SNX4: variants seen among roughly 807,000 people sequenced by gnomAD.
SNX4 encodes the protein sorting nexin-4.
Under a neutral mutation model 70.8 loss-of-function variants are expected in SNX4, and 49 were observed. The observed-to-expected ratio is 0.69, with a 90% CI of 0.55 to 0.88. The LOEUF is 0.88. SNX4 is among the 40% of genes least tolerant of loss of function. SNX4 has a pLI of 0.00. For synonymous variants in SNX4, 206 were observed against 183.8 expected, an observed-to-expected ratio of 1.12 and a Z score of -0.98; for missense variants, 528 against 544.8, an observed-to-expected ratio of 0.97 and a Z score of 0.31.
At chr3:125,495,884 C>T (rs1423804284) in intron 5 of SNX4, among the ~76,000 whole-genome samples, 4 of 152,130 alleles carry the variant, frequency 2.6e-5, no homozygotes, top group Admixed American at 6.5e-5. Flanking sequence ...AAACATAAAT[C>T]GGTTTTTAAA....
At chr3:125,467,355 C>G (rs911578182) in intron 9 of SNX4, among the ~76,000 whole-genome samples, 1 of 151,912 alleles carries the variant, frequency 6.6e-6, no homozygotes, top group African/African-American at 2.4e-5. Context: ...CCACGGCACT[C>G]CAGCCTGGGT....
At chr3:125,461,104 T>C (rs921007349) in intron 9 of SNX4, among the ~76,000 whole-genome samples, 3 of 152,186 alleles carry the variant, frequency 2.0e-5, no homozygotes, top group Admixed American at 1.3e-4. Flanking sequence ...CGGGTGCCTG[T>C]AATCCCAGCT....
chr3:125,495,009 A>C (rs1934751838), intron 5 of SNX4, among the ~76,000 whole-genome samples: 1 of 152,012 alleles, frequency 6.6e-6, no homozygotes, highest in South Asian at 2.1e-4. Flanking sequence ...TCCTCTGCTA[A>C]AATAGGCTGT....
At chr3:125,499,977 T>A (rs1934887906) in intron 2 of SNX4, among the ~76,000 whole-genome samples, 1 of 151,864 alleles carries the variant, frequency 6.6e-6, no homozygotes, top group African/African-American at 2.4e-5. Flanking sequence ...GGAGAATTGC[T>A]TGAACCCGGG....
chr3:125,495,377 C>A (rs544051446), intron 5 of SNX4, among the ~76,000 whole-genome samples: 7 of 150,414 alleles, frequency 4.7e-5, no homozygotes, highest in African/African-American at 1.7e-4. Flanking sequence ...TCCCATTTCC[C>A]TGATGGGAGG....
intron 11 of SNX4, among the ~76,000 whole-genome samples, chr3:125,456,101 G>C (rs1232113882): frequency 1.3e-5 from 2 of 152,218 alleles, no homozygotes; most frequent in Non-Finnish European, 2.9e-5. Context: ...TGCTCACCAT[G>C]ATGGCTGATT....
intron 1 of SNX4, among the ~76,000 whole-genome samples, chr3:125,510,444 T>C (rs1223149907): frequency 6.6e-6 from 1 of 152,114 alleles, no homozygotes; most frequent in Non-Finnish European, 1.5e-5. Context: ...TTAGCCAGCA[T>C]GGTCTCGATC....
chr3:125,519,104 T>C (rs930662635), intron 1 of SNX4, among the ~76,000 whole-genome samples: 9 of 152,010 alleles, frequency 5.9e-5, no homozygotes, highest in Non-Finnish European at 8.8e-5. Context: ...GGCAGGAGGA[T>C]TGTTTGAGCC....
chr3:125,490,636 C>A (rs1283848558), intron 5 of SNX4, among the ~76,000 whole-genome samples: 2 of 150,190 alleles, frequency 1.3e-5, no homozygotes, highest in Non-Finnish European at 3.0e-5. Flanking sequence ...TGTAAGACAA[C>A]ACAACTTTTT....
At chr3:125,500,224 T>C (rs2107562027) in intron 2 of SNX4, among the ~76,000 whole-genome samples, 1 of 152,308 alleles carries the variant, frequency 6.6e-6, no homozygotes, top group East Asian at 1.9e-4. Context: ...ATGGTTTTAC[T>C]TGTAATATTT....
At chr3:125,451,531 G>GT in intron 12 of SNX4, 112 bp from the exon 13 acceptor site, 1 of 672,470 alleles carries the variant, frequency 1.5e-6, no homozygotes, top group South Asian at 2.0e-5. Context: ...AGAAGGAAGA[G>GT]TTATTGCTTG....
intron 8 of SNX4, among the ~76,000 whole-genome samples, chr3:125,475,016 C>A (rs1228418411): frequency 4.6e-5 from 7 of 152,122 alleles, no homozygotes; most frequent in Non-Finnish European, 1.0e-4. Context: ...ACGTATAATA[C>A]TATTTGTCTT....
chr3:125,451,316 T>C lies in SNX4; in HGVS notation c.1294A>G (p.Met432Val). 6.2e-7 allele frequency: 1 copy of C among 1,611,778 alleles called. No individual in the cohort carries two copies. Among genetic ancestry groups the C allele is most frequent in the Middle Eastern group, 1.7e-4 (1 of 6,048 alleles). ...LISYAVMQIS[M>V]CKKGIQVWTN... ...AGGAAAAACCCTACCTTTTTGCACA[T>C]ACTGATCTGCATGACTGCATAGCTT... The change falls in exon 13 of 14, where the codon ATG becomes GTG. Residue 432 changes from methionine to valine, a missense_variant. By Grantham distance (21) the Met-to-Val change is conservative (BLOSUM62 1). Coordinates refer to ENST00000251775, the MANE Select transcript of SNX4 (RefSeq NM_003794.4).
At chr3:125,464,560 CTTTCT>C (rs1471141461) in intron 9 of SNX4, among the ~76,000 whole-genome samples, 5 of 91,258 alleles carry the variant, frequency 5.5e-5, no homozygotes, top group African/African-American at 1.4e-4. Context: ...ATCTATTTAT[CTTTCT>C]TTTTTTTTTT....
intron 1 of SNX4, among the ~76,000 whole-genome samples, chr3:125,512,530 T>C (rs1389641089): frequency 6.6e-6 from 1 of 152,112 alleles, no homozygotes; most frequent in Non-Finnish European, 1.5e-5. Flanking sequence ...TACAGAACAG[T>C]GCCAAGAATA....
intron 13 of SNX4, among the ~76,000 whole-genome samples, chr3:125,449,897 A>C (rs944844271): frequency 2.0e-5 from 3 of 152,160 alleles, no homozygotes; most frequent in Non-Finnish European, 4.4e-5. Flanking sequence ...AAAAACTAAA[A>C]ACCTTTGTTA....
At chr3:125,496,940 T>C (rs1023475931) in intron 5 of SNX4, among the ~76,000 whole-genome samples, 12 of 152,126 alleles carry the variant, frequency 7.9e-5, no homozygotes, top group East Asian at 1.9e-4. Flanking sequence ...TCATATGTGA[T>C]AGAGTGAGCA....
Position 125,447,295 on chromosome 3 carries a change from C to G in SNX4, c.*484G>C, listed in dbSNP as rs1175079056. ...ATGTAGAAGAAAATCGTAGATTTTTCACATCAAGTTTCTGCTGAGCTTTGT... is the reference window on the plus strand; with the variant it reads ...ATGTAGAAGAAAATCGTAGATTTTTGACATCAAGTTTCTGCTGAGCTTTGT... On this transcript the variant is annotated 3_prime_UTR_variant, in exon 14 of 14. Transcript: ENST00000251775. 4.6e-5 allele frequency: 7 copies of G among 152,688 alleles called. No homozygotes were observed. Among genetic ancestry groups the G allele is most frequent in the African/African-American group, 1.7e-4 (7 of 41,434 alleles). 9.5% of individuals were successfully genotyped at this position (152,688 alleles called of 1,614,324 possible). A position where few individuals can be genotyped will look rare whatever the true frequency, so the allele number is the denominator to read the frequency against.
Position 125,507,962 on chromosome 3 carries a change from G to A in SNX4, c.142-3218C>T, listed in dbSNP as rs576700002. 3.3e-5 allele frequency among the ~76,000 whole-genome samples: 5 copies of A among 152,054 alleles called. No homozygotes were observed. The South Asian group carries it at 1.0e-3, about 32-fold the overall frequency. The stretch of plus-strand genomic sequence containing the variant: ...AATGAAAATGAAATTATAAAAATAA[G>A]TCCATTTACAATAGCATCAAAAAGA... On this transcript the variant is annotated intron_variant, in intron 1 of 13. Transcript: ENST00000251775.
Sources: gnomAD v4.1 joint callset for allele counts (sites outside exome capture counted in the v4.1 genomes callset) on GRCh38, gnomAD v4.1.1 for gene constraint, MANE v1.5 for transcripts, NCBI Gene and HGNC (gene_info 2026-07-23, HGNC 2026-07-21) for gene names.